The following CCDC170 variants were observed in gnomAD, a reference collection of about 807,000 sequenced individuals.
The protein encoded by CCDC170 is coiled-coil domain containing 170, also known as coiled-coil domain-containing protein 170.
A neutral mutation model predicts 72.6 loss-of-function variants in CCDC170; 69 were observed. That is an observed-to-expected ratio of 0.95 (90% confidence interval 0.78 to 1.16). CCDC170 has a LOEUF of 1.16. Ranked by LOEUF, CCDC170 falls within the 50% of genes most tolerant of loss-of-function variation. CCDC170 has a pLI of 0.00. For missense variants in CCDC170, 852 were observed against 832.5 expected (o/e 1.02, Z -0.29); for synonymous variants, 300 against 303.9 (o/e 0.99, Z 0.13).
At position 151,548,445 on chromosome 6, in the gene CCDC170, A is replaced by G; in HGVS notation, c.730A>G (p.Lys244Glu). ...GGCTTCAGAAGTCAACAGAGAGCAG[A>G]AAAAAGCTGCCTCCTGTACTGAAGA... ...RLASEVNREQ[K>E]KAASCTEEKE... The change falls in exon 5 of 11, where the codon AAA becomes GAA. Residue 244 changes from lysine (K) to glutamate (E), a missense_variant. Coordinates refer to ENST00000239374, the MANE Select transcript of CCDC170 (RefSeq NM_025059.4). The G allele has an allele frequency of 6.2e-7, 1 of 1,609,626 alleles. No individual in the cohort carries two copies. Among genetic ancestry groups the G allele is most frequent in the African/African-American group, 1.3e-5 (1 of 74,686 alleles).
Position 151,536,440 on chromosome 6 carries a change from G to A in CCDC170, c.180G>A (p.Gln60=), listed in dbSNP as rs780372313. 6.2e-7 allele frequency: 1 copy of A among 1,614,028 alleles called. No individual in the cohort carries two copies. Among genetic ancestry groups the A allele is most frequent in the Non-Finnish European group, 8.5e-7 (1 of 1,179,952 alleles). The change falls in exon 2 of 11, where the codon CAG becomes CAA. Residue 60 remains glutamine, a synonymous_variant. Transcript: ENST00000239374. ...CTTTGGTCAAATTTGAATGTGCTCA[G>A]TCTGAGGTAAGATAATGCATTTCCA... The part of the protein sequence containing the change: ...AATLVKFECA[Q]SELQDLRSKM...
At chr6:151,587,786 A>G (rs1489869699) in intron 7 of CCDC170, among the ~76,000 whole-genome samples, 1 of 152,228 alleles carries the variant, frequency 6.6e-6, no homozygotes, top group Non-Finnish European at 1.5e-5. Context: ...AAATAGTACA[A>G]TTAGTGCCAT....
At chr6:151,591,651 C>G (rs576299887) in intron 7 of CCDC170, among the ~76,000 whole-genome samples, 2 of 151,948 alleles carry the variant, frequency 1.3e-5, no homozygotes, top group Admixed American at 6.6e-5. Context: ...CCCGCCACCA[C>G]GCCCAGCTAA....
At chr6:151,501,901 T>C (rs1017712894) in intron 1 of CCDC170, among the ~76,000 whole-genome samples, 4 of 152,250 alleles carry the variant, frequency 2.6e-5, no homozygotes, top group Non-Finnish European at 5.9e-5. Context: ...TTATTTATGC[T>C]ATGCTCTTTT....
chr6:151,529,747 T>C (rs2115040122), intron 1 of CCDC170, among the ~76,000 whole-genome samples: 1 of 152,312 alleles, frequency 6.6e-6, no homozygotes, highest in African/African-American at 2.4e-5. Flanking sequence ...AAGGAGATAA[T>C]TGGAGAGTGG....
At chr6:151,580,735 A>C (rs1291416405) in intron 6 of CCDC170, among the ~76,000 whole-genome samples, 1 of 152,188 alleles carries the variant, frequency 6.6e-6, no homozygotes, top group African/African-American at 2.4e-5. Context: ...ATGGAAGCAC[A>C]GGATTGAAGA....
chr6:151,564,868 T>C (rs762523708), intron 5 of CCDC170, among the ~76,000 whole-genome samples: 2 of 152,172 alleles, frequency 1.3e-5, no homozygotes, highest in Non-Finnish European at 2.9e-5. Flanking sequence ...GGCTGTGATG[T>C]GCAAGGGTGG....
intron 1 of CCDC170, among the ~76,000 whole-genome samples, chr6:151,525,925 G>A (rs532246838): frequency 2.0e-5 from 3 of 152,134 alleles, no homozygotes; most frequent in Non-Finnish European, 4.4e-5. Context: ...CTTTAAATTT[G>A]TTTTTATTTA....
At chr6:151,503,567 C>T (rs1266837636) in intron 1 of CCDC170, among the ~76,000 whole-genome samples, 1 of 152,120 alleles carries the variant, frequency 6.6e-6, no homozygotes, top group Non-Finnish European at 1.5e-5. Context: ...ATTCTCCTGC[C>T]TCAGCCTCCC....
chr6:151,580,704 ATGTC>A (rs1305777300), intron 6 of CCDC170, among the ~76,000 whole-genome samples: 1 of 152,170 alleles, frequency 6.6e-6, no homozygotes, highest in Non-Finnish European at 1.5e-5. Context: ...AATTAATTGA[ATGTC>A]TGGAAGCTTG....
In CCDC170 at chr6:151,537,835, T is replaced by C. The variant is rs569086186; in HGVS notation, c.187-210T>C. Among the ~76,000 whole-genome samples, 16 of 152,296 alleles carry C rather than the reference T, an allele frequency of 1.1e-4. 1 individual carries two copies. The East Asian group carries it at 1.2e-3, about 11-fold the overall frequency. Reference sequence around the variant, plus strand: ...CTAAACAACATAAGACATTGCTCAATTGGTTTTGGAAAAGATAGAATATAA... The same window carrying C: ...CTAAACAACATAAGACATTGCTCAACTGGTTTTGGAAAAGATAGAATATAA... On this transcript the variant is annotated intron_variant, in intron 2 of 10. Coordinates refer to ENST00000239374, the MANE Select transcript of CCDC170 (RefSeq NM_025059.4).
chr6:151,526,341 C>T (rs1371975662), intron 1 of CCDC170, among the ~76,000 whole-genome samples: 1 of 151,944 alleles, frequency 6.6e-6, no homozygotes. Context: ...CCTGCCTCAG[C>T]CTTCCTAGTA....
chr6:151,565,257 A>G (rs745601685), intron 5 of CCDC170, among the ~76,000 whole-genome samples: 2 of 152,156 alleles, frequency 1.3e-5, no homozygotes, highest in African/African-American at 2.4e-5. Context: ...TCAAAATGGC[A>G]TCTTGCTGTA....
chr6:151,539,388 C>T lies in CCDC170; in HGVS notation c.443+1087C>T, dbSNP rs1054762727. ...GTGCAAGTTAAATGGTCAGTCTTAT[C>T]TTACCTGACCTATCAGTAGCATCAG... On this transcript the variant is annotated intron_variant, in intron 3 of 10. Coordinates refer to ENST00000239374, the MANE Select transcript of CCDC170 (RefSeq NM_025059.4). 6.6e-5 allele frequency among the ~76,000 whole-genome samples: 10 copies of T among 152,218 alleles called. 1 individual carries two copies. The South Asian group carries it at 1.0e-3, about 16-fold the overall frequency.
intron 9 of CCDC170, among the ~76,000 whole-genome samples, chr6:151,602,377 A>G (rs1776722408): frequency 1.3e-5 from 2 of 152,202 alleles, no homozygotes. Context: ...AATATTATGA[A>G]ATCCATATCA....
At chr6:151,516,492 G>A (rs1235423850) in intron 1 of CCDC170, among the ~76,000 whole-genome samples, 1 of 152,134 alleles carries the variant, frequency 6.6e-6, no homozygotes, top group Non-Finnish European at 1.5e-5. Context: ...GCTTTACCAT[G>A]AGGTCCTAGT....
chr6:151,567,837 G>A (rs1292384794), intron 5 of CCDC170, among the ~76,000 whole-genome samples: 5 of 151,924 alleles, frequency 3.3e-5, no homozygotes, highest in East Asian at 3.9e-4. Context: ...GGCTGGGCGC[G>A]GTGGCTCACA....
At chr6:151,545,249 G>C (rs1463515922) in intron 4 of CCDC170, among the ~76,000 whole-genome samples, 1 of 151,916 alleles carries the variant, frequency 6.6e-6, no homozygotes, top group Admixed American at 6.6e-5. Context: ...GAGAAACCCC[G>C]TCTCTACTAA....
chr6:151,533,051 T>TA (rs1782513606), intron 1 of CCDC170, among the ~76,000 whole-genome samples: 3 of 131,364 alleles, frequency 2.3e-5, no homozygotes, highest in Admixed American at 1.6e-4. Context: ...TGACTATTTC[T>TA]CTTTTTTTTT....
Sources: allele counts gnomAD v4.1 joint callset (sites outside exome capture counted in the v4.1 genomes callset), GRCh38; gene constraint gnomAD v4.1.1; transcripts MANE v1.5; gene names NCBI Gene and HGNC (gene_info 2026-07-23, HGNC 2026-07-21).